Variants in BEND2 observed in about 807,000 individuals in gnomAD.
BEND2 encodes the protein BEN domain containing 2.
Under a neutral mutation model 43.8 loss-of-function variants are expected in BEND2, and 19 were observed. The observed-to-expected ratio is 0.43, with a 90% CI of 0.30 to 0.64. BEND2 has a LOEUF of 0.64. BEND2 is among the 30% of genes least tolerant of loss of function. BEND2 has a pLI of 0.11. For missense variants in BEND2, 544 were observed against 574.0 expected, an observed-to-expected ratio of 0.95 and a Z score of 0.53; for synonymous variants, 226 against 210.1, an observed-to-expected ratio of 1.08 and a Z score of -0.66.
chrX:18,220,620 A>G (rs771424372), intron 1 of BEND2, 106 bp downstream of exon 1: 1 of 1,086,555 alleles, frequency 9.2e-7, no homozygotes, highest in South Asian at 1.9e-5. Context: ...GTCAATGACT[A>G]GCCAATCCTG....
At chrX:18,219,117 T>G (rs1009445233) in intron 1 of BEND2, among the ~76,000 whole-genome samples, 2 of 112,002 alleles carry the variant, frequency 1.8e-5, no homozygotes, top group East Asian at 5.7e-4. Context: ...AAGGCAGCCC[T>G]TCCTTTGCCG....
At chrX:18,173,039 CT>C (rs1430055138) in intron 12 of BEND2, among the ~76,000 whole-genome samples, 1 of 111,163 alleles carries the variant, frequency 9.0e-6, no homozygotes, top group African/African-American at 3.3e-5. Context: ...ATTGTGGGAG[CT>C]TTTTTCCCCC....
At chrX:18,199,911 G>T (rs1925084604) in intron 6 of BEND2, among the ~76,000 whole-genome samples, 3 of 111,799 alleles carry the variant, frequency 2.7e-5, no homozygotes, top group Middle Eastern at 4.6e-3. Context: ...GGAGAAACTG[G>T]ATCACTCATG....
chrX:18,220,404 G>A (rs1293227386), intron 1 of BEND2, among the ~76,000 whole-genome samples: 2 of 112,137 alleles, frequency 1.8e-5, no homozygotes, highest in East Asian at 5.7e-4. Flanking sequence ...CTCGGCACAA[G>A]CCCAAGTCAC....
intron 7 of BEND2, among the ~76,000 whole-genome samples, 197 bp from the exon 8 acceptor site, chrX:18,191,305 A>G (rs1162022534): frequency 8.9e-6 from 1 of 111,901 alleles, no homozygotes; most frequent in East Asian, 2.8e-4. Context: ...GAGATCTTCA[A>G]ACTGAAAGGA....
At chrX:18,209,863 A>G (rs1925452899) in intron 4 of BEND2, among the ~76,000 whole-genome samples, 1 of 111,208 alleles carries the variant, frequency 9.0e-6, no homozygotes, top group Non-Finnish European at 1.9e-5. Flanking sequence ...TACTACACCA[A>G]TGTTCATTTC....
rs1925156313 is a variant in BEND2 at position 18,201,427 on chromosome X, A to AAAAAAAAAAAAAAAAAAAAAAAAAAAAC, written c.1033+387_1033+388insGTTTTTTTTTTTTTTTTTTTTTTTTTTT. Among the ~76,000 whole-genome samples the AAAAAAAAAAAAAAAAAAAAAAAAAAAAC allele has an allele frequency of 2.3e-5, 2 of 86,430 alleles. 1 individual carries two copies. The highest frequency in any genetic ancestry group is 4.6e-5 in the Non-Finnish European group (2 of 43,063). 75.1% of individuals were successfully genotyped at this position (86,430 alleles called of 115,157 possible). ...AAAAAAAAAAAAAAAACAAAAAAAA[A>AAAAAAAAAAAAAAAAAAAAAAAAAAAAC]AAAACTGGTGGATCAAGGTTAAATA... On this transcript the variant is annotated intron_variant, in intron 6 of 13. Transcript: ENST00000380033.
intron 4 of BEND2, among the ~76,000 whole-genome samples, chrX:18,207,684 T>G (rs1188497487): frequency 8.9e-6 from 1 of 112,383 alleles, no homozygotes; most frequent in Non-Finnish European, 1.9e-5. Context: ...CACAATGAGA[T>G]GATAATCATA....
At chrX:18,193,578 G>A (rs558275647) in intron 7 of BEND2, among the ~76,000 whole-genome samples, 59 of 111,197 alleles carry the variant, frequency 5.3e-4, no homozygotes, top group Middle Eastern at 4.7e-3. Flanking sequence ...GCTATTGTTG[G>A]GAAGAATAGG....
At chrX:18,175,299 G>A (rs1924109105) in intron 11 of BEND2, among the ~76,000 whole-genome samples, 1 of 111,364 alleles carries the variant, frequency 9.0e-6, no homozygotes, top group Non-Finnish European at 1.9e-5. Flanking sequence ...GCGACTAGAC[G>A]TGGCCAGAAG....
chrX:18,220,779 C>T lies in BEND2; in HGVS notation c.-29G>A, dbSNP rs767988030. The stretch of plus-strand genomic sequence containing the variant: ...GAGATGGCGGGGTCTGGCTCTGAGG[C>T]CCGAGACCTGAGGCCCGAGACCTGA... On this transcript the variant is annotated 5_prime_UTR_variant, in exon 1 of 14. Transcript: ENST00000380033. 1 of 1,197,804 alleles carries T rather than the reference C, an allele frequency of 8.3e-7. No homozygotes were observed. Among genetic ancestry groups the T allele is most frequent in the East Asian group, 3.0e-5 (1 of 33,360 alleles).
intron 4 of BEND2, among the ~76,000 whole-genome samples, chrX:18,206,472 G>A (rs1269034561): frequency 9.0e-6 from 1 of 111,227 alleles, no homozygotes; most frequent in Non-Finnish European, 1.9e-5. Context: ...GAGGATGACA[G>A]CAAAGGAGGG....
In BEND2 at chrX:18,190,764, TCTCA is replaced by T. The variant is rs1288584082; in HGVS notation, c.1288+233_1288+236del. 9.2e-3 allele frequency among the ~76,000 whole-genome samples: 820 copies of T among 88,839 alleles called. 4 individuals carry two copies. Among genetic ancestry groups the T allele is most frequent in the Admixed American group, 0.012 (106 of 8,569 alleles). The allele number at this position is 88,839 out of a possible 115,157, so 77.1% of individuals were successfully genotyped here. On this transcript the variant is annotated intron_variant, in intron 8 of 13. Coordinates refer to ENST00000380033, the MANE Select transcript of BEND2 (RefSeq NM_153346.5). Reference sequence around the variant, plus strand: ...TACTCTCTCTCTCTCTCTCTCTCTCTCTCACACACACACACACACACACACACTC... The same window carrying T: ...TACTCTCTCTCTCTCTCTCTCTCTCTCACACACACACACACACACACACTC...
intron 4 of BEND2, among the ~76,000 whole-genome samples, chrX:18,210,149 G>A (rs1925460883): frequency 9.1e-6 from 1 of 110,311 alleles, no homozygotes; most frequent in Non-Finnish European, 1.9e-5. Context: ...AGATTCAGGA[G>A]AGAGAGATAT....
intron 4 of BEND2, among the ~76,000 whole-genome samples, chrX:18,210,168 G>T (rs1453463902): frequency 1.8e-5 from 2 of 110,242 alleles, no homozygotes; most frequent in Admixed American, 2.0e-4. Flanking sequence ...ATTTCCTTCA[G>T]CCTGAGTTCA....
chrX:18,220,708 G>A lies in BEND2; in HGVS notation c.25+18C>T, dbSNP rs1431765523. The A allele has an allele frequency of 6.6e-6, 8 of 1,209,229 alleles. No individual in the cohort carries two copies. Among genetic ancestry groups the A allele is most frequent in the Non-Finnish European group, 1.1e-6 (1 of 894,536 alleles). On this transcript the variant is annotated intron_variant, in intron 1 of 13. Coordinates refer to ENST00000380033, the MANE Select transcript of BEND2 (RefSeq NM_153346.5). ...TGAGGCCCAAGCTAGCGGGCCAGTT[G>A]AGGCGAGGTCACTTTACCCTGTTCC...
rs966864293 is a variant in BEND2 at position 18,177,635 on chromosome X, T to A, written c.1564A>T (p.Ser522Cys). 1 of 1,209,346 alleles carries A rather than the reference T, an allele frequency of 8.3e-7. No homozygotes were observed. The highest frequency in any genetic ancestry group is 1.1e-6 in the Non-Finnish European group (1 of 894,972). The change falls in exon 10 of 14, where the codon AGC (serine) becomes TGC (cysteine). Residue 522 changes from serine (S) to cysteine (C), a missense_variant. By Grantham distance (112) the Ser-to-Cys change is moderately radical (BLOSUM62 -1). Around this residue, in one of 2 missense-constraint regions of BEND2, gnomAD observed 501 missense variants for 501.6 expected, o/e 1.00. Transcript: ENST00000380033. ...ILFSKEILIS[S>C]SVDIHLKDSQ... The stretch of plus-strand genomic sequence containing the variant: ...TCTTTCAAATGGATATCCACTGAGC[T>A]GCTAATCAGGATTTCCTTGGAGAAC...
intron 2 of BEND2, among the ~76,000 whole-genome samples, 151 bp from the exon 3 acceptor site, chrX:18,214,062 A>G (rs181692785): frequency 8.9e-6 from 1 of 112,029 alleles, no homozygotes; most frequent in East Asian, 2.8e-4. Context: ...GATGTATTCA[A>G]ACAAAGGAAC....
intron 8 of BEND2, among the ~76,000 whole-genome samples, chrX:18,184,145 C>T (rs1272710217): frequency 1.8e-5 from 2 of 111,393 alleles, no homozygotes; most frequent in African/African-American, 6.5e-5. Context: ...TTCCCCAGCT[C>T]CATGCAGCTC....
Sources: gnomAD v4.1 joint callset for allele counts (sites outside exome capture counted in the v4.1 genomes callset) on GRCh38, gnomAD v4.1.1 for gene constraint, gnomAD v4.1.1 regional missense constraint, MANE v1.5 for transcripts, NCBI Gene and HGNC (gene_info 2026-07-23, HGNC 2026-07-21) for gene names.